The following ARHGEF4 variants were observed in gnomAD, a reference collection of about 807,000 sequenced individuals.
ARHGEF4 encodes the protein APC-stimulated guanine nucleotide exchange factor 1.
ARHGEF4 carries 119 observed loss-of-function variants against 162.0 expected under a neutral mutation model. The observed-to-expected ratio is 0.73, with a 90% CI of 0.63 to 0.86. ARHGEF4 has a LOEUF of 0.86. Among genes scored for constraint, ARHGEF4 ranks in the 40% least tolerant of loss-of-function variants. The pLI is 0.00. For synonymous variants in ARHGEF4, 1,014 were observed against 979.9 expected, an observed-to-expected ratio of 1.03 and a Z score of -0.65; for missense variants, 2,488 against 2,456.0, an observed-to-expected ratio of 1.01 and a Z score of -0.28.
chr2:130,959,054 G>A (rs1684470331), intron 4 of ARHGEF4, among the ~76,000 whole-genome samples: 1 of 151,364 alleles, frequency 6.6e-6, no homozygotes, highest in African/African-American at 2.4e-5. Context: ...TGATTCTCCT[G>A]CCTCAGCCTC....
At chr2:130,888,946 C>CA (rs1364352222) in intron 1 of ARHGEF4, among the ~76,000 whole-genome samples, 11 of 150,238 alleles carry the variant, frequency 7.3e-5, no homozygotes, top group Non-Finnish European at 7.4e-5. Context: ...ACTAAAAATA[C>CA]AAAAAAAAAT....
chr2:130,889,705 G>A (rs940463903), intron 1 of ARHGEF4, among the ~76,000 whole-genome samples: 3 of 151,184 alleles, frequency 2.0e-5, no homozygotes, highest in East Asian at 1.9e-4. Context: ...CCAGCTACTC[G>A]GGAGGCTGAG....
Position 130,916,518 on chromosome 2 carries a change from G to C in ARHGEF4, c.2572G>C (p.Glu858Gln), listed in dbSNP as rs973962800. Residue 858 changes from glutamate (E) to glutamine (Q), a missense_variant, in exon 2 of 14, where the codon GAG (glutamate) becomes CAG (glutamine). By Grantham distance (29) the Glu-to-Gln change is conservative. Coordinates refer to ENST00000409359, the MANE Select transcript of ARHGEF4 (RefSeq NM_001367493.1). ...LHHGDASAWPEFVPQAAGDRT... is the reference protein window; with the variant it reads ...LHHGDASAWPQFVPQAAGDRT... ...CCACGGGGACGCCAGCGCCTGGCCC[G>C]AGTTTGTCCCGCAGGCTGCAGGCGA... The C allele has an allele frequency of 1.9e-6, 3 of 1,549,194 alleles. No homozygotes were observed. The highest frequency in any genetic ancestry group is 2.6e-6 in the Non-Finnish European group (3 of 1,146,812).
Position 131,046,020 on chromosome 2 carries a change from CTG to C in ARHGEF4, c.5480-16_5480-15del, listed in dbSNP as rs762229011. The C allele has an allele frequency of 1.5e-5, 24 of 1,602,678 alleles. No homozygotes were observed. The highest frequency in any genetic ancestry group is 2.0e-5 in the Non-Finnish European group (23 of 1,172,708). Reference sequence around the variant, plus strand: ...TGCCCTGGGCACCCATGACCCTCTGCTGTCTCTCCCTGTTCAGCTGTTGGCCG... The same window carrying C: ...TGCCCTGGGCACCCATGACCCTCTGCTCTCTCCCTGTTCAGCTGTTGGCCG... On this transcript the variant is annotated splice_polypyrimidine_tract_variant and intron_variant, in intron 13 of 13. Transcript: ENST00000409359.
intron 4 of ARHGEF4, among the ~76,000 whole-genome samples, chr2:131,024,594 C>G (rs1459883147): frequency 1.3e-5 from 2 of 152,036 alleles, no homozygotes; most frequent in African/African-American, 2.4e-5. Context: ...TATTTTAAGA[C>G]CCTAGGGGAG....
intron 1 of ARHGEF4, among the ~76,000 whole-genome samples, chr2:130,843,912 C>A (rs894478267): frequency 6.6e-6 from 1 of 152,184 alleles, no homozygotes; most frequent in African/African-American, 2.4e-5. Context: ...AACCTTCTCT[C>A]CAAACTTGGG....
In ARHGEF4 at chr2:131,040,212, C is replaced by T. The variant is rs376287769; in HGVS notation, c.4482+20C>T. The T allele has an allele frequency of 6.2e-7, 1 of 1,608,414 alleles. No homozygotes were observed. The highest frequency in any genetic ancestry group is 8.5e-7 in the Non-Finnish European group (1 of 1,176,666). Reference sequence around the variant, plus strand: ...TGCGAGGTGAGGCCCGGCCGGCGGGCGGTGACTGGGGACCCGGTCGGGGGA... The same window carrying T: ...TGCGAGGTGAGGCCCGGCCGGCGGGTGGTGACTGGGGACCCGGTCGGGGGA... On this transcript the variant is annotated intron_variant, in intron 7 of 13. Coordinates refer to ENST00000409359, the MANE Select transcript of ARHGEF4 (RefSeq NM_001367493.1).
chr2:130,993,253 C>G (rs1485980143), intron 4 of ARHGEF4, among the ~76,000 whole-genome samples: 1 of 151,764 alleles, frequency 6.6e-6, no homozygotes, highest in South Asian at 2.1e-4. Context: ...TCTTTTTGAC[C>G]CATGAGTTAT....
rs143129667 is a variant in ARHGEF4, at chr2:130,965,384, C to G, written c.3985+18749C>G. 4.1e-3 allele frequency among the ~76,000 whole-genome samples: 631 copies of G among 152,360 alleles called. 4 individuals carry two copies. The highest frequency in any genetic ancestry group is 0.014 in the African/African-American group (588 of 41,582). ...TTGAGCACTCCATGACTCATCTGCC[C>G]GTTCCCAAAACACACGCATGAAATT... On this transcript the variant is annotated intron_variant, in intron 4 of 13. Transcript: ENST00000409359.
intron 4 of ARHGEF4, among the ~76,000 whole-genome samples, chr2:130,996,448 T>C (rs1051867816): frequency 3.3e-5 from 5 of 152,268 alleles, no homozygotes; most frequent in Non-Finnish European, 7.3e-5. Context: ...TCACTTATCG[T>C]TATATTTTTA....
At chr2:130,906,802 A>G (rs1366049149) in intron 1 of ARHGEF4, among the ~76,000 whole-genome samples, 2 of 152,166 alleles carry the variant, frequency 1.3e-5, no homozygotes, top group Non-Finnish European at 2.9e-5. Context: ...GCATGGCTAT[A>G]TCATTAATTT....
rs2105059291 is a variant in ARHGEF4, at chr2:130,916,941, G to GT, written c.3000dup (p.Ser1001Ter). The GT allele has an allele frequency of 6.4e-7, 1 of 1,550,776 alleles. No individual in the cohort carries two copies. On this transcript the variant is annotated frameshift_variant, in exon 2 of 14. Transcript: ENST00000409359. LOFTEE classifies it high-confidence loss of function. ...ACGGGCGGAGGACAAAGAGGGCTAT[G>GT]TTTTTAGCGATCACTGGGCACCCCC...
intron 1 of ARHGEF4, among the ~76,000 whole-genome samples, chr2:130,902,076 TGGTCTCATGC>T (rs912265733): frequency 4.6e-5 from 7 of 152,204 alleles, no homozygotes; most frequent in Non-Finnish European, 1.0e-4. Flanking sequence ...CTTCTTCATG[TGGTCTCATGC>T]GGCCTGGTGT....
intron 4 of ARHGEF4, chr2:130,964,051 G>C (rs1424875427): frequency 1.9e-6 from 1 of 535,466 alleles, no homozygotes; most frequent in Non-Finnish European, 2.4e-6. Flanking sequence ...CTGCGTGCGG[G>C]CGCAGCAATG....
chr2:130,898,870 G>T (rs1039858785), intron 1 of ARHGEF4, among the ~76,000 whole-genome samples: 2 of 152,078 alleles, frequency 1.3e-5, no homozygotes, highest in African/African-American at 4.8e-5. Flanking sequence ...AGCATTTGAC[G>T]GCCTGGCTGC....
At chr2:130,940,688 G>A (rs1411081095) in intron 3 of ARHGEF4, among the ~76,000 whole-genome samples, 7 of 150,514 alleles carry the variant, frequency 4.7e-5, no homozygotes, top group East Asian at 4.0e-4. Flanking sequence ...AAAATTAGCC[G>A]GGCGTGGTGG....
intron 4 of ARHGEF4, among the ~76,000 whole-genome samples, chr2:130,956,232 C>G (rs973357885): frequency 1.8e-4 from 28 of 152,160 alleles, no homozygotes; most frequent in Non-Finnish European, 3.8e-4. Context: ...CTCATCATCA[C>G]TGGCCATCAG....
chr2:131,043,403 C>T, intron 10 of ARHGEF4, 49 bp from the exon 11 acceptor site: 1 of 1,608,364 alleles, frequency 6.2e-7, no homozygotes. Flanking sequence ...GGAAGTGGAG[C>T]CCACGGTTGG....
intron 1 of ARHGEF4, among the ~76,000 whole-genome samples, chr2:130,844,941 A>T (rs1047291937): frequency 6.6e-6 from 1 of 151,792 alleles, no homozygotes; most frequent in Non-Finnish European, 1.5e-5. Context: ...CTCCTACCTC[A>T]GTCTCTAAAG....
Sources: gnomAD v4.1 joint callset for allele counts (sites outside exome capture counted in the v4.1 genomes callset) on GRCh38, gnomAD v4.1.1 for gene constraint, MANE v1.5 for transcripts, NCBI Gene and HGNC (gene_info 2026-07-23, HGNC 2026-07-21) for gene names.